Variants in UHRF1 observed in about 807,000 individuals in gnomAD.
UHRF1 encodes E3 ubiquitin-protein ligase UHRF1.
UHRF1 carries 9 observed loss-of-function variants against 96.5 expected under a neutral mutation model. That is an observed-to-expected ratio of 0.09 (90% CI 0.06 to 0.16). The LOEUF (loss-of-function observed/expected upper bound fraction) is 0.16, where lower values mean the gene tolerates loss of function less well. Ranked by LOEUF, UHRF1 falls within the 10% of genes least tolerant of loss-of-function variation. The pLI is 1.00. For missense variants in UHRF1, 626 were observed against 1,131.1 expected (o/e 0.55, Z 6.40); for synonymous variants, 455 against 469.9 (o/e 0.97, Z 0.41).
chr19:4,910,810 T>G (rs747390849), intron 1 of UHRF1, 66 bp from the exon 2 acceptor site: 6 of 1,515,372 alleles, frequency 4.0e-6, no homozygotes, highest in Non-Finnish European at 5.3e-6. Context: ...CCCGACTCCT[T>G]AGAGCATGGC....
intron 1 of UHRF1, 132 bp from the exon 2 acceptor site, chr19:4,910,744 G>C: frequency 9.1e-7 from 1 of 1,100,558 alleles, no homozygotes; most frequent in Non-Finnish European, 1.3e-6. Context: ...CTGTACAGGA[G>C]GACTGGAAGG....
intron 2 of UHRF1, among the ~76,000 whole-genome samples, chr19:4,917,855 G>T (rs933530039): frequency 6.6e-6 from 1 of 151,564 alleles, no homozygotes; most frequent in Non-Finnish European, 1.5e-5. Context: ...AAACTTTTTT[G>T]CAGAGACAGG....
intron 2 of UHRF1, among the ~76,000 whole-genome samples, chr19:4,916,776 C>T (rs1465448614): frequency 1.3e-5 from 2 of 152,248 alleles, no homozygotes; most frequent in African/African-American, 2.4e-5. Context: ...TGAGACGGGC[C>T]AGCAGGAGCT....
At chr19:4,934,249 G>A (rs1444043424) in intron 5 of UHRF1, among the ~76,000 whole-genome samples, 3 of 151,956 alleles carry the variant, frequency 2.0e-5, no homozygotes, top group African/African-American at 7.3e-5. Context: ...GGCCAGGCTG[G>A]TCTCGAACTC....
rs760069002 is a variant in UHRF1, at chr19:4,956,858, G to A, written c.2235+45G>A. On this transcript the variant is annotated intron_variant, in intron 16 of 16. Coordinates refer to ENST00000650932, the MANE Select transcript of UHRF1 (RefSeq NM_001048201.3). Reference sequence around the variant, plus strand: ...GGAGCCGGGTGGAAGGTTCTGGAAGGATGACCTGACCTCCCGTTCCCACAT... The same window carrying A: ...GGAGCCGGGTGGAAGGTTCTGGAAGAATGACCTGACCTCCCGTTCCCACAT... The A allele has an allele frequency of 4.3e-6, 6 of 1,406,516 alleles. No individual in the cohort carries two copies. The East Asian group carries it at 1.5e-4, about 34-fold the overall frequency. The allele number at this position is 1,406,516 out of a possible 1,614,324, so 87.1% of individuals were successfully genotyped here.
At chr19:4,908,739 C>A (rs373084822), upstream of UHRF1, among the ~76,000 whole-genome samples, 1 of 152,164 alleles carries the variant, frequency 6.6e-6, no homozygotes, top group African/African-American at 2.4e-5. Flanking sequence ...TTTAGTTATT[C>A]ATTTCTTGCC....
intron 2 of UHRF1, among the ~76,000 whole-genome samples, chr19:4,928,554 C>CG (rs780822251): frequency 9.9e-5 from 15 of 152,160 alleles, no homozygotes; most frequent in Admixed American, 2.0e-4. Context: ...GCACAAAGGG[C>CG]GGGTGGAGCT....
intron 5 of UHRF1, among the ~76,000 whole-genome samples, chr19:4,934,026 T>TC (rs1568419265): frequency 7.6e-6 from 1 of 132,182 alleles, no homozygotes; most frequent in East Asian, 2.1e-4. Flanking sequence ...AAAATTTACC[T>TC]TTTTTTTTTT....
chr19:4,911,930 T>G (rs1406220310), intron 2 of UHRF1, among the ~76,000 whole-genome samples: 31 of 152,054 alleles, frequency 2.0e-4, no homozygotes, highest in Admixed American at 2.0e-3. Flanking sequence ...CCCCACTGTG[T>G]TGTTGTTGGA....
exon 1 of UHRF1, chr19:4,903,137 C>A: frequency 6.0e-6 from 2 of 334,654 alleles, no homozygotes; most frequent in Non-Finnish European, 1.1e-5. Flanking sequence ...AGCAATTCTC[C>A]TGCCTCAGCC....
intron 11 of UHRF1, among the ~76,000 whole-genome samples, chr19:4,949,901 CCT>C (rs1473797391): frequency 3.3e-5 from 5 of 151,906 alleles, no homozygotes; most frequent in Admixed American, 1.3e-4. Context: ...GCAGGGTCTC[CCT>C]CTCTTGTCCA....
intron 10 of UHRF1, among the ~76,000 whole-genome samples, chr19:4,946,263 G>C (rs1296135637): frequency 6.6e-6 from 1 of 151,124 alleles, no homozygotes; most frequent in Non-Finnish European, 1.5e-5. Context: ...CCTCCTGGGA[G>C]TGGAATCGCA....
rs997708058 is a variant in UHRF1, at chr19:4,911,058, C to T, written c.153+20C>T. The T allele has an allele frequency of 1.3e-6, 2 of 1,557,998 alleles. No individual in the cohort carries two copies. Among genetic ancestry groups the T allele is most frequent in the Non-Finnish European group, 1.7e-6 (2 of 1,147,270 alleles). ...AAACAGGTACACCCGCCGCCAGCAC[C>T]TTTGTTCTATGCCTGGTCCAGGCCT... On this transcript the variant is annotated intron_variant, in intron 2 of 16. Transcript: ENST00000650932.
chr19:4,942,531 C>T (rs913297680), intron 7 of UHRF1, among the ~76,000 whole-genome samples: 2 of 152,058 alleles, frequency 1.3e-5, no homozygotes, highest in African/African-American at 4.8e-5. Flanking sequence ...TCACTGCAAC[C>T]TCTGCCTCCC....
At chr19:4,917,866 G>A (rs977745798) in intron 2 of UHRF1, among the ~76,000 whole-genome samples, 5 of 151,876 alleles carry the variant, frequency 3.3e-5, no homozygotes, top group Non-Finnish European at 7.4e-5. Context: ...CAGAGACAGG[G>A]TCTTGCCTGG....
chr19:4,927,527 C>G (rs532659138), intron 2 of UHRF1, among the ~76,000 whole-genome samples: 5 of 152,126 alleles, frequency 3.3e-5, no homozygotes, highest in Non-Finnish European at 7.3e-5. Flanking sequence ...TGCATTTGAA[C>G]AGCCGTCAGG....
intron 2 of UHRF1, among the ~76,000 whole-genome samples, chr19:4,919,675 T>C (rs1426346037): frequency 6.6e-6 from 1 of 152,106 alleles, no homozygotes; most frequent in Non-Finnish European, 1.5e-5. Flanking sequence ...GTCACTCCTT[T>C]TACCAGGCAC....
intron 2 of UHRF1, among the ~76,000 whole-genome samples, chr19:4,922,236 C>T (rs748419928): frequency 1.2e-4 from 18 of 151,736 alleles, no homozygotes; most frequent in Admixed American, 3.3e-4. Flanking sequence ...TGTGAGCCAC[C>T]GGACCTGGGC....
At chr19:4,913,924 G>T (rs2032389335) in intron 2 of UHRF1, among the ~76,000 whole-genome samples, 1 of 147,290 alleles carries the variant, frequency 6.8e-6, no homozygotes, top group South Asian at 2.1e-4. Context: ...CGATTCTTCT[G>T]CCTCAGCCTC....
Sources: gnomAD v4.1 joint callset for allele counts (sites outside exome capture counted in the v4.1 genomes callset) on GRCh38, gnomAD v4.1.1 for gene constraint, MANE v1.5 for transcripts, NCBI Gene and HGNC (gene_info 2026-07-23, HGNC 2026-07-21) for gene names.